Variants in CLTA observed in about 807,000 individuals in gnomAD.
CLTA encodes clathrin light chain A.
A neutral mutation model predicts 26.9 loss-of-function variants in CLTA; 9 were observed. The observed-to-expected ratio is 0.33, with a 90% CI of 0.20 to 0.58. The LOEUF (loss-of-function observed/expected upper bound fraction) is 0.58. Among genes scored for constraint, CLTA ranks in the 20% least tolerant of loss-of-function variants. The pLI, the probability that CLTA is intolerant of heterozygous loss-of-function variation, is 0.85. For synonymous variants in CLTA, 120 were observed against 115.5 expected (o/e 1.04, Z -0.25); for missense variants, 278 against 294.2 (o/e 0.94, Z 0.40).
chr9:36,191,231 GC>G lies in CLTA; in HGVS notation c.180del (p.Gln63SerfsTer16), dbSNP rs1454613388. ...GGCCTTCGCCATCCTGGACGGCGGC[GC>G]CCCCGGGCCCCAGCCGCACGGCGAG... Reference protein sequence around the residue: ...DEAFAILDGGAPGPQPHGEPP... With the variant: ...DEAFAILDGGXPGPQPHGEPP... On this transcript the variant is annotated frameshift_variant, in exon 1 of 5. Transcript: ENST00000345519. LOFTEE classifies it high-confidence loss of function. The G allele has an allele frequency of 1.9e-6, 3 of 1,540,368 alleles. No homozygotes were observed. Among genetic ancestry groups the G allele is most frequent in the East Asian group, 2.5e-5 (1 of 40,118 alleles).
chr9:36,210,087 C>CT lies in CLTA; in HGVS notation c.486-1506dup, dbSNP rs879724379. The stretch of plus-strand genomic sequence containing the variant: ...CTCTGGAGAAGGTGTTTTTCTTATT[C>CT]TTTTTTTTTTCTTTTTTTCTTTTTT... On this transcript the variant is annotated intron_variant, in intron 4 of 4. Coordinates refer to ENST00000345519, the MANE Select transcript of CLTA (RefSeq NM_001833.4). 1.5e-3 allele frequency among the ~76,000 whole-genome samples: 226 copies of CT among 146,840 alleles called. 1 individual carries two copies. Among genetic ancestry groups the CT allele is most frequent in the Non-Finnish European group, 1.6e-3 (108 of 66,612 alleles).
intron 4 of CLTA, 200 bp from the exon 5 acceptor site, chr9:36,211,403 C>A: frequency 5.8e-6 from 1 of 172,448 alleles, no homozygotes; most frequent in Non-Finnish European, 1.2e-5. Flanking sequence ...ACATTTTACA[C>A]AGCGGTCTGG....
At chr9:36,205,110 G>T (rs2132925436) in intron 4 of CLTA, among the ~76,000 whole-genome samples, 1 of 152,348 alleles carries the variant, frequency 6.6e-6, no homozygotes, top group South Asian at 2.1e-4. Context: ...TTGCCAGCCA[G>T]CCAGTGCTAT....
Position 36,199,102 on chromosome 9 carries a change from G to A in CLTA, c.373+6G>A. ...GGAACGCTTGGAAGCCCTTGGTAAG[G>A]AATCCCTTCTGTGTTTTGGTGTCTG... On this transcript the variant is annotated splice_donor_region_variant and intron_variant, in intron 3 of 4. Coordinates refer to ENST00000345519, the MANE Select transcript of CLTA (RefSeq NM_001833.4). 1 of 1,577,290 alleles carries A rather than the reference G, an allele frequency of 6.3e-7. No homozygotes were observed. The highest frequency in any genetic ancestry group is 8.7e-7 in the Non-Finnish European group (1 of 1,146,708).
At chr9:36,211,545 C>T (rs1351840983) in intron 4 of CLTA, 58 bp from the exon 5 acceptor site, 1 of 1,536,298 alleles carries the variant, frequency 6.5e-7, no homozygotes, top group Non-Finnish European at 8.8e-7. Context: ...GCAAGGCAGC[C>T]ACCAGGTTGC....
intron 3 of CLTA, among the ~76,000 whole-genome samples, chr9:36,203,117 G>A (rs1827514054): frequency 1.3e-5 from 2 of 152,078 alleles, no homozygotes; most frequent in Non-Finnish European, 2.9e-5. Context: ...ACAGGCGTGA[G>A]CCACCACAAG....
intron 1 of CLTA, among the ~76,000 whole-genome samples, 191 bp downstream of exon 1, chr9:36,191,464 G>A (rs1473781953): frequency 1.3e-5 from 2 of 152,242 alleles, no homozygotes; most frequent in African/African-American, 2.4e-5. Context: ...TTCTCAGCAT[G>A]TTTGAGTGCT....
rs937526849 is a variant in CLTA, at chr9:36,191,254, C to G, written c.198C>G (p.Gly66=). ...GCGCCCCCGGGCCCCAGCCGCACGG[C>G]GAGCCGCCGGGGGGTCCGGGTGAGA... ...DGGAPGPQPH[G]EPPGGPDAVD... Residue 66 remains glycine (G), a synonymous_variant, in exon 1 of 5, where the codon GGC becomes GGG. Coordinates refer to ENST00000345519, the MANE Select transcript of CLTA (RefSeq NM_001833.4). 2.7e-5 allele frequency: 42 copies of G among 1,529,192 alleles called. No individual in the cohort carries two copies. The highest frequency in any genetic ancestry group is 3.6e-5 in the Non-Finnish European group (41 of 1,142,864). 94.7% of individuals were successfully genotyped at this position (1,529,192 alleles called of 1,614,324 possible). A position where few individuals can be genotyped will look rare whatever the true frequency, so the allele number is the denominator to read the frequency against.
At chr9:36,194,763 T>C (rs1311516270) in intron 1 of CLTA, among the ~76,000 whole-genome samples, 7 of 152,248 alleles carry the variant, frequency 4.6e-5, no homozygotes, top group Admixed American at 2.0e-4. Context: ...TCGTGTTGCT[T>C]AGTTTAGTTG....
intron 1 of CLTA, among the ~76,000 whole-genome samples, chr9:36,194,526 T>C (rs966040351): frequency 2.0e-5 from 3 of 152,228 alleles, no homozygotes; most frequent in Non-Finnish European, 4.4e-5. Context: ...AGTGGTAGTG[T>C]CATATTTCAG....
intron 1 of CLTA, among the ~76,000 whole-genome samples, chr9:36,195,265 C>A (rs1563906970): frequency 6.6e-6 from 1 of 152,134 alleles, no homozygotes; most frequent in African/African-American, 2.4e-5. Context: ...ATACAGAAAT[C>A]ATGAAGAAAA....
At chr9:36,203,998 A>G (rs1827575050) in intron 3 of CLTA, 70 bp from the exon 4 acceptor site, 13 of 1,591,576 alleles carry the variant, frequency 8.2e-6, no homozygotes, top group Non-Finnish European at 9.4e-6. Flanking sequence ...AGCAAGACCA[A>G]AATAAACTGA....
intron 1 of CLTA, among the ~76,000 whole-genome samples, chr9:36,195,568 C>T (rs1826974204): frequency 6.6e-6 from 1 of 152,030 alleles, no homozygotes; most frequent in Non-Finnish European, 1.5e-5. Context: ...AGCACAGTCC[C>T]TAGTATCAGG....
chr9:36,200,972 G>A (rs1354561396), intron 3 of CLTA, among the ~76,000 whole-genome samples: 5 of 152,094 alleles, frequency 3.3e-5, no homozygotes, highest in African/African-American at 1.2e-4. Context: ...TCTTAGTACT[G>A]CTGTAGTATT....
intron 3 of CLTA, among the ~76,000 whole-genome samples, chr9:36,200,318 A>G (rs1208444584): frequency 1.3e-5 from 2 of 152,246 alleles, no homozygotes; most frequent in Non-Finnish European, 2.9e-5. Flanking sequence ...CTTTATATAA[A>G]TGATATGTTT....
chr9:36,206,352 G>T (rs966069690), intron 4 of CLTA, among the ~76,000 whole-genome samples: 5 of 152,166 alleles, frequency 3.3e-5, no homozygotes, highest in East Asian at 3.9e-4. Context: ...GGACAGAAGA[G>T]ATGGTTTTTA....
chr9:36,196,537 G>A (rs1025005638), intron 1 of CLTA, among the ~76,000 whole-genome samples: 35 of 151,554 alleles, frequency 2.3e-4, no homozygotes, highest in South Asian at 6.2e-4. Flanking sequence ...GTATATGGAG[G>A]TGGGTTTCAC....
chr9:36,209,225 T>C, intron 4 of CLTA: 1 of 1,612,724 alleles, frequency 6.2e-7, no homozygotes, highest in Non-Finnish European at 8.5e-7. Context: ...TCTCTCTTTT[T>C]TCCTGCCTGC....
chr9:36,209,071 G>A (rs978234151), intron 4 of CLTA: 3 of 173,680 alleles, frequency 1.7e-5, no homozygotes, highest in African/African-American at 4.8e-5. Flanking sequence ...CAGTCCCCAC[G>A]TGGGAAGGCC....
Sources: gnomAD v4.1 joint callset for allele counts (sites outside exome capture counted in the v4.1 genomes callset) on GRCh38, gnomAD v4.1.1 for gene constraint, MANE v1.5 for transcripts, NCBI Gene and HGNC (gene_info 2026-07-23, HGNC 2026-07-21) for gene names.